CDH12: variants seen among roughly 807,000 people sequenced by gnomAD.
CDH12 encodes the protein cadherin 12.
CDH12 carries 41 observed loss-of-function variants against 74.1 expected under a neutral mutation model. The ratio of observed to expected loss-of-function variants is 0.55; its 90% CI spans 0.43 to 0.72. The LOEUF is 0.72. Ranked by LOEUF, CDH12 falls within the 30% of genes least tolerant of loss-of-function variation. The probability of loss-of-function intolerance (pLI) is 0.00; values close to 1 mark genes in which losing one functional copy is unlikely to be tolerated. For synonymous variants in CDH12, 399 were observed against 355.0 expected, an observed-to-expected ratio of 1.12 and a Z score of -1.39; for missense variants, 945 against 977.2, an observed-to-expected ratio of 0.97 and a Z score of 0.44.
chr5:21,810,473 A>T (rs376329189), intron 9 of CDH12, among the ~76,000 whole-genome samples: 2 of 152,254 alleles, frequency 1.3e-5, no homozygotes, highest in East Asian at 3.9e-4. Flanking sequence ...GAAAAATCAC[A>T]GATTTTTGCT....
At chr5:22,127,631 G>A (rs1745958740) in intron 4 of CDH12, among the ~76,000 whole-genome samples, 1 of 152,144 alleles carries the variant, frequency 6.6e-6, no homozygotes, top group Admixed American at 6.6e-5. Flanking sequence ...GTAGTTTGAA[G>A]TTGAGCAATA....
chr5:22,560,388 A>G (rs1738988860), intron 1 of CDH12, among the ~76,000 whole-genome samples: 1 of 152,096 alleles, frequency 6.6e-6, no homozygotes, highest in African/African-American at 2.4e-5. Context: ...CTCAAGTATG[A>G]GAGTTTTTAG....
intron 1 of CDH12, among the ~76,000 whole-genome samples, chr5:22,539,501 TG>T (rs1273491997): frequency 1.3e-5 from 2 of 152,200 alleles, no homozygotes; most frequent in African/African-American, 4.8e-5. Context: ...AGAAAGGCAA[TG>T]AAAAATCTTC....
At chr5:22,653,785 C>T (rs948764826) in intron 1 of CDH12, among the ~76,000 whole-genome samples, 8 of 152,338 alleles carry the variant, frequency 5.3e-5, no homozygotes, top group African/African-American at 1.9e-4. Flanking sequence ...GTGGTCCACA[C>T]GTAGCTATGT....
intron 1 of CDH12, among the ~76,000 whole-genome samples, chr5:22,566,241 CTTT>C (rs937479137): frequency 2.1e-5 from 3 of 141,958 alleles, no homozygotes; most frequent in Non-Finnish European, 1.5e-5. Flanking sequence ...TTTTTTCTTT[CTTT>C]TTTTTTTTTT....
intron 6 of CDH12, among the ~76,000 whole-genome samples, chr5:21,885,327 A>T (rs2150037860): frequency 6.6e-6 from 1 of 152,330 alleles, no homozygotes; most frequent in Non-Finnish European, 1.5e-5. Flanking sequence ...AAGGTTGTAC[A>T]ACTTTAGTTT....
intron 6 of CDH12, among the ~76,000 whole-genome samples, chr5:21,895,652 A>T (rs1300476013): frequency 6.6e-6 from 1 of 152,190 alleles, no homozygotes; most frequent in Non-Finnish European, 1.5e-5. Context: ...CTTGTGCCAC[A>T]AGAAGTGTGT....
chr5:22,781,217 C>T (rs1308664965), intron 1 of CDH12, among the ~76,000 whole-genome samples: 5 of 151,972 alleles, frequency 3.3e-5, no homozygotes, highest in Non-Finnish European at 7.4e-5. Flanking sequence ...CTTGATTTTT[C>T]TAAGCAAAGC....
intron 3 of CDH12, among the ~76,000 whole-genome samples, chr5:22,292,329 T>C (rs562545601): frequency 2.0e-5 from 2 of 100,788 alleles, no homozygotes; most frequent in South Asian, 7.4e-4. Flanking sequence ...CTTTTTGGGG[T>C]TTTTGGTTTT....
intron 3 of CDH12, among the ~76,000 whole-genome samples, chr5:22,334,633 T>A (rs1350802405): frequency 1.3e-5 from 2 of 152,136 alleles, no homozygotes; most frequent in African/African-American, 2.4e-5. Flanking sequence ...AACAGCATGA[T>A]ACTGGCATAA....
chr5:22,195,595 G>A (rs1407732200), intron 4 of CDH12, among the ~76,000 whole-genome samples: 1 of 151,914 alleles, frequency 6.6e-6, no homozygotes, highest in African/African-American at 2.4e-5. Flanking sequence ...CATTAAGATG[G>A]GTGCTTTCTC....
intron 6 of CDH12, among the ~76,000 whole-genome samples, chr5:21,951,600 T>C (rs1755865197): frequency 6.6e-6 from 1 of 152,218 alleles, no homozygotes; most frequent in Non-Finnish European, 1.5e-5. Context: ...AATGACTTTA[T>C]AATTTCACTT....
chr5:22,186,671 A>G (rs1435578261), intron 4 of CDH12, among the ~76,000 whole-genome samples: 1 of 152,084 alleles, frequency 6.6e-6, no homozygotes. Context: ...GCTTTTCACC[A>G]CGTTGGCCAG....
chr5:22,171,518 C>A (rs1188916728), intron 4 of CDH12, among the ~76,000 whole-genome samples: 1 of 151,864 alleles, frequency 6.6e-6, no homozygotes, highest in East Asian at 1.9e-4. Context: ...AAAGGGCGGC[C>A]TTCTATATGG....
chr5:21,937,186 T>C (rs540039993), intron 6 of CDH12, among the ~76,000 whole-genome samples: 1 of 152,282 alleles, frequency 6.6e-6, no homozygotes, highest in Non-Finnish European at 1.5e-5. Flanking sequence ...AGGTACATAA[T>C]AGGACAATAT....
Position 22,791,874 on chromosome 5 carries a change from C to A in CDH12, c.-523+61184G>T, listed in dbSNP as rs778237383. On this transcript the variant is annotated intron_variant, in intron 1 of 14. Transcript: ENST00000382254. ...TGATCCAATCACCTCCCACAAGGCC[C>A]CTCCCTTGACATGTTGGGATTACAA... Among the ~76,000 whole-genome samples, 3 of 152,064 alleles carry A rather than the reference C, an allele frequency of 2.0e-5. No homozygotes were observed. In the East Asian group the frequency reaches 5.8e-4, roughly 29 times the overall value.
intron 1 of CDH12, among the ~76,000 whole-genome samples, chr5:22,770,752 AT>A (rs1746765071): frequency 6.6e-6 from 1 of 152,090 alleles, no homozygotes; most frequent in African/African-American, 2.4e-5. Context: ...TTAATATTAC[AT>A]TTTTTAGATA....
chr5:22,786,652 T>TG (rs905119964), intron 1 of CDH12, among the ~76,000 whole-genome samples: 1 of 152,112 alleles, frequency 6.6e-6, no homozygotes, highest in Non-Finnish European at 1.5e-5. Flanking sequence ...ATTTGTGTAA[T>TG]GGGGAAGGGG....
chr5:22,293,854 G>T (rs1332686692), intron 3 of CDH12, among the ~76,000 whole-genome samples: 1 of 152,078 alleles, frequency 6.6e-6, no homozygotes, highest in Non-Finnish European at 1.5e-5. Context: ...GGGGGTTAAG[G>T]TGGTGTTGGC....
Sources: allele counts gnomAD v4.1 joint callset (sites outside exome capture counted in the v4.1 genomes callset), GRCh38; gene constraint gnomAD v4.1.1; transcripts MANE v1.5; gene names NCBI Gene and HGNC (gene_info 2026-07-23, HGNC 2026-07-21).